Variants in DNAJC11 observed in about 807,000 individuals in gnomAD.
DNAJC11 encodes the protein dnaJ homolog subfamily C member 11.
In DNAJC11, 15 loss-of-function variants were observed where a neutral mutation model predicts 78.6. That is an observed-to-expected ratio of 0.19 (90% CI 0.13 to 0.29). The LOEUF (loss-of-function observed/expected upper bound fraction) is 0.29. DNAJC11 is among the 10% of genes least tolerant of loss of function. The pLI is 1.00. For synonymous variants in DNAJC11, 292 were observed against 272.1 expected (o/e 1.07, Z -0.72); for missense variants, 547 against 709.6 (o/e 0.77, Z 2.60).
chr1:6,694,316 T>C (rs1000714584), intron 1 of DNAJC11, among the ~76,000 whole-genome samples: 18 of 152,270 alleles, frequency 1.2e-4, no homozygotes, highest in Admixed American at 1.1e-3. Context: ...GACAGTGGAT[T>C]TGCAGACCAA....
rs1462939329 is a variant in DNAJC11 at position 6,646,064 on chromosome 1, CACTT to C, written c.705-90_705-87del. On this transcript the variant is annotated intron_variant, in intron 7 of 15. Transcript: ENST00000377577. ...CTTCCTCTCTGCCTGGCTAAGACCTCACTTACTGTCACGTCTATGCATCCCTGGG... is the reference window on the plus strand; with the variant it reads ...CTTCCTCTCTGCCTGGCTAAGACCTCACTGTCACGTCTATGCATCCCTGGG... 9 of 1,370,832 alleles carry C rather than the reference CACTT, an allele frequency of 6.6e-6. No individual in the cohort carries two copies. The African/African-American group carries it at 1.0e-4, about 15-fold the overall frequency. 84.9% of individuals were successfully genotyped at this position (1,370,832 alleles called of 1,614,324 possible). A position where few individuals can be genotyped will look rare whatever the true frequency, so the allele number is the denominator to read the frequency against.
Position 6,634,492 on chromosome 1 carries a change from C to T in DNAJC11, c.*1183G>A, listed in dbSNP as rs1275372572. ...GCAACAGCTGTGGGTGGGCTGGAGGCCGGCGCAGCTTGGGGCCCCCCGCGC... is the reference window on the plus strand; with the variant it reads ...GCAACAGCTGTGGGTGGGCTGGAGGTCGGCGCAGCTTGGGGCCCCCCGCGC... On this transcript the variant is annotated 3_prime_UTR_variant, in exon 16 of 16. Coordinates refer to ENST00000377577, the MANE Select transcript of DNAJC11 (RefSeq NM_018198.4). 1 of 1,337,602 alleles carries T rather than the reference C, an allele frequency of 7.5e-7. No individual in the cohort carries two copies. The highest frequency in any genetic ancestry group is 2.1e-5 in the Admixed American group (1 of 48,630). The allele number at this position is 1,337,602 out of a possible 1,614,324, so 82.9% of individuals were successfully genotyped here.
intron 6 of DNAJC11, among the ~76,000 whole-genome samples, chr1:6,651,931 G>T (rs1642060354): frequency 7.2e-6 from 1 of 138,224 alleles, no homozygotes. Flanking sequence ...TCCCGGCGCA[G>T]CCCCCCGCCA....
At chr1:6,655,143 C>A (rs1275828565) in intron 4 of DNAJC11, among the ~76,000 whole-genome samples, 2 of 152,260 alleles carry the variant, frequency 1.3e-5, no homozygotes, top group African/African-American at 4.8e-5. Context: ...TGCATTAACC[C>A]TAATAATTAC....
intron 1 of DNAJC11, among the ~76,000 whole-genome samples, chr1:6,692,903 G>A (rs1195878950): frequency 2.7e-5 from 4 of 146,652 alleles, no homozygotes; most frequent in African/African-American, 7.6e-5. Context: ...GAGCCACTGC[G>A]CCCAGCCTCT....
chr1:6,685,510 CAG>C (rs1160669945), intron 1 of DNAJC11, among the ~76,000 whole-genome samples: 1 of 152,194 alleles, frequency 6.6e-6, no homozygotes, highest in Non-Finnish European at 1.5e-5. Flanking sequence ...AGAGGTCGCA[CAG>C]AGTTTTCCAA....
intron 1 of DNAJC11, among the ~76,000 whole-genome samples, chr1:6,694,974 C>CAA (rs869181454): frequency 3.1e-3 from 99 of 32,128 alleles, no homozygotes; most frequent in South Asian, 8.1e-3. Context: ...GACTCCGAAT[C>CAA]AAAAAAAAAA....
intron 14 of DNAJC11, among the ~76,000 whole-genome samples, chr1:6,636,743 CT>C (rs1164977619): frequency 6.6e-6 from 1 of 152,222 alleles, no homozygotes; most frequent in African/African-American, 2.4e-5. Context: ...GTGGGTACTA[CT>C]CAGGAGCTGG....
At chr1:6,670,008 C>T (rs1222968239) in intron 3 of DNAJC11, among the ~76,000 whole-genome samples, 4 of 150,624 alleles carry the variant, frequency 2.7e-5, no homozygotes, top group South Asian at 2.1e-4. Context: ...GGCTGGAGTG[C>T]GGTGGTGCGA....
At chr1:6,670,782 A>T (rs1443327755) in intron 3 of DNAJC11, 2 of 152,114 alleles carry the variant, frequency 1.3e-5, no homozygotes, top group African/African-American at 4.8e-5. Context: ...CCAGGCTTAA[A>T]ATCATCGAGG....
chr1:6,650,412 A>G (rs994820621), intron 7 of DNAJC11, among the ~76,000 whole-genome samples: 43 of 152,064 alleles, frequency 2.8e-4, no homozygotes, highest in African/African-American at 9.9e-4. Flanking sequence ...AAAAAAACTA[A>G]ACAATGAGCC....
At chr1:6,649,184 G>C (rs1642014803) in intron 7 of DNAJC11, among the ~76,000 whole-genome samples, 2 of 151,064 alleles carry the variant, frequency 1.3e-5, no homozygotes, top group South Asian at 2.1e-4. Context: ...TGGAAGCACT[G>C]CTTTTTTTTT....
intron 10 of DNAJC11, among the ~76,000 whole-genome samples, chr1:6,641,434 A>AC (rs1641876400): frequency 1.5e-5 from 2 of 137,316 alleles, no homozygotes; most frequent in Admixed American, 7.6e-5. Flanking sequence ...CACACACACA[A>AC]ACAGAGACAG....
At position 6,643,895 on chromosome 1, in the gene DNAJC11, G is replaced by T. The variant is rs180807266; in HGVS notation, c.1097+663C>A. Among the ~76,000 whole-genome samples the T allele has an allele frequency of 1.7e-3, 260 of 151,896 alleles. 1 individual carries two copies. The highest frequency in any genetic ancestry group is 6.1e-3 in the African/African-American group (251 of 41,434). ...GCAACTGTATTTTTTTTTTGAGATG[G>T]AGTCTCACTCTGTCACCCGGGCTGG... On this transcript the variant is annotated intron_variant, in intron 10 of 15. Coordinates refer to ENST00000377577, the MANE Select transcript of DNAJC11 (RefSeq NM_018198.4).
intron 14 of DNAJC11, among the ~76,000 whole-genome samples, 162 bp from the exon 15 acceptor site, chr1:6,636,408 C>G (rs1641769114): frequency 6.6e-6 from 1 of 152,130 alleles, no homozygotes; most frequent in South Asian, 2.1e-4. Flanking sequence ...AAAAAGTTGC[C>G]AAGACTCGCT....
intron 3 of DNAJC11, 81 bp from the exon 4 acceptor site, chr1:6,667,891 T>A: frequency 7.3e-7 from 1 of 1,364,152 alleles, no homozygotes; most frequent in Non-Finnish European, 1.0e-6. Context: ...CAGCCATTGA[T>A]TTTGGTGTGT....
intron 4 of DNAJC11, among the ~76,000 whole-genome samples, chr1:6,656,184 GA>G (rs886349301): frequency 2.4e-4 from 36 of 151,390 alleles, no homozygotes; most frequent in African/African-American, 8.0e-4. Context: ...TTTTTAGGGG[GA>G]AAAAAACCAT....
At chr1:6,641,406 TACACACACACAC>T (rs70981395) in intron 10 of DNAJC11, among the ~76,000 whole-genome samples, 2 of 140,096 alleles carry the variant, frequency 1.4e-5, no homozygotes, top group African/African-American at 2.7e-5. Flanking sequence ...TATATATATA[TACACACACACAC>T]ACACACACAC....
In DNAJC11 at chr1:6,636,263, G is replaced by A. The variant is rs1381910689; in HGVS notation, c.1525-17C>T. ...CAGCCCAGCCTGTAACAAACAAATT[G>A]CTACTCTCAATACTCCAGACGGTCT... On this transcript the variant is annotated splice_polypyrimidine_tract_variant and intron_variant, in intron 14 of 15. Coordinates refer to ENST00000377577, the MANE Select transcript of DNAJC11 (RefSeq NM_018198.4). The A allele has an allele frequency of 3.7e-6, 6 of 1,613,374 alleles. No individual in the cohort carries two copies. The highest frequency in any genetic ancestry group is 5.1e-6 in the Non-Finnish European group (6 of 1,179,716).
Sources: gnomAD v4.1 joint callset for allele counts (sites outside exome capture counted in the v4.1 genomes callset) on GRCh38, gnomAD v4.1.1 for gene constraint, MANE v1.5 for transcripts, NCBI Gene and HGNC (gene_info 2026-07-23, HGNC 2026-07-21) for gene names.